Variants in NLRP11 observed in about 807,000 individuals in gnomAD.
NLRP11 encodes the protein NLR family pyrin domain containing 11, also known as NACHT, LRR and PYD domains-containing protein 11.
In NLRP11, 53 loss-of-function variants were observed where a neutral mutation model predicts 79.3. The ratio of observed to expected loss-of-function variants is 0.67; its 90% CI spans 0.54 to 0.84. The LOEUF is 0.84. Ranked by LOEUF, NLRP11 falls within the 40% of genes least tolerant of loss-of-function variation. The pLI is 0.00. For missense variants in NLRP11, 1,264 were observed against 1,255.0 expected (o/e 1.01, Z -0.11); for synonymous variants, 518 against 462.6 (o/e 1.12, Z -1.54).
rs749697784 is a variant in NLRP11 at position 55,809,076 on chromosome 19, C to CA, written c.1533dup (p.Gly512TrpfsTer24). ...CTGTCTACCATCGGTAGCTGGTATC[C>CA]AAAGGATGTCTCAAGAATCTTTCTC... On this transcript the variant is annotated frameshift_variant, in exon 3 of 10. Coordinates refer to ENST00000589093, the Ensembl canonical transcript of NLRP11. LOFTEE classifies it high-confidence loss of function. This position sits in a 1 kb window ranked among gnomAD's most constrained non-coding sequence, Gnocchi z 4.5. 1 of 1,613,830 alleles carries CA rather than the reference C, an allele frequency of 6.2e-7. No homozygotes were observed.
chr19:55,817,089 A>G (rs897822483), intron 2 of NLRP11, among the ~76,000 whole-genome samples: 1 of 152,178 alleles, frequency 6.6e-6, no homozygotes, highest in Non-Finnish European at 1.5e-5. Context: ...AAAATGCTCA[A>G]CATCGCTAAT....
chr19:55,790,985 C>CA lies in NLRP11; in HGVS notation c.2513+1315dup, dbSNP rs747573999. Among the ~76,000 whole-genome samples, 3 of 152,160 alleles carry CA rather than the reference C, an allele frequency of 2.0e-5. No individual in the cohort carries two copies. The South Asian group carries it at 6.2e-4, about 32-fold the overall frequency. ...ACTTAAGACAATTCTTGAAGGATGACAAAAGAACGTGTTTGGAGTCTACAG... is the reference window on the plus strand; with the variant it reads ...ACTTAAGACAATTCTTGAAGGATGACAAAAAGAACGTGTTTGGAGTCTACAG... On this transcript the variant is annotated intron_variant, in intron 7 of 9. Transcript: ENST00000589093.
upstream of NLRP11, among the ~76,000 whole-genome samples, chr19:55,834,772 C>T (rs1600212229): frequency 6.6e-6 from 1 of 152,144 alleles, no homozygotes; most frequent in East Asian, 1.9e-4. Flanking sequence ...TACCGTGAGG[C>T]AAGACCTAGA....
intron 4 of NLRP11, among the ~76,000 whole-genome samples, chr19:55,806,478 C>CT (rs1049700550): frequency 6.6e-6 from 1 of 152,178 alleles, no homozygotes; most frequent in African/African-American, 2.4e-5. Flanking sequence ...AGGAATCATC[C>CT]TTTGTCAACA....
intron 2 of NLRP11, among the ~76,000 whole-genome samples, chr19:55,815,122 A>C (rs184103011): frequency 5.4e-4 from 82 of 152,238 alleles, no homozygotes; most frequent in African/African-American, 1.9e-3. Context: ...GTTACAAAAA[A>C]AAATCCTTGT....
chr19:55,809,673 A>C lies in NLRP11; in HGVS notation c.937T>G (p.Phe313Val). The stretch of plus-strand genomic sequence containing the variant: ...GCCGACGCCCTCTGGCGGTCTTTAA[A>C]GAAAGAGTTAAAATATATCTCCCTC... Residue 313 changes from phenylalanine to valine, a missense_variant, in exon 3 of 10, where the codon TTT becomes GTT. Transcript: ENST00000589093. The surrounding 1 kb of genome is among the most constrained non-coding windows in gnomAD (Gnocchi z 4.5). 6.2e-7 allele frequency: 1 copy of C among 1,613,928 alleles called. No individual in the cohort carries two copies. Among genetic ancestry groups the C allele is most frequent in the Non-Finnish European group, 8.5e-7 (1 of 1,179,908 alleles).
At chr19:55,819,162 C>G (rs1439868196) in intron 1 of NLRP11, among the ~76,000 whole-genome samples, 2 of 148,368 alleles carry the variant, frequency 1.3e-5, no homozygotes, top group African/African-American at 5.1e-5. Context: ...CACACACACA[C>G]ACACACACAC....
rs1283384743 is a variant in NLRP11, at chr19:55,807,880, T to TGCTCCAGG, written c.1968_1975dup (p.His659ProfsTer36). On this transcript the variant is annotated frameshift_variant, in exon 4 of 10. Transcript: ENST00000589093. LOFTEE classifies it high-confidence loss of function. ...GAGTGTGCGAAGTTTACAGCTAGAATGCTCCAGGGCTTTAGACAGAATCCT... is the reference window on the plus strand; with the variant it reads ...GAGTGTGCGAAGTTTACAGCTAGAATGCTCCAGGGCTCCAGGGCTTTAGACAGAATCCT... 1 of 1,612,650 alleles carries TGCTCCAGG rather than the reference T, an allele frequency of 6.2e-7. No individual in the cohort carries two copies. The highest frequency in any genetic ancestry group is 1.7e-5 in the Admixed American group (1 of 59,906).
intron 9 of NLRP11, among the ~76,000 whole-genome samples, chr19:55,788,363 C>CTTTTTT (rs74179639): frequency 2.8e-5 from 4 of 140,722 alleles, no homozygotes; most frequent in African/African-American, 2.6e-5. Flanking sequence ...AGAGGAAAGA[C>CTTTTTT]TTTTTTTTTT....
At chr19:55,831,158 C>T (rs991677680) in intron 1 of NLRP11, among the ~76,000 whole-genome samples, 19 of 143,610 alleles carry the variant, frequency 1.3e-4, no homozygotes, top group Non-Finnish European at 2.3e-4. Flanking sequence ...CCCCTCCTGG[C>T]CAAGATACTT....
chr19:55,808,095 T>G (rs1431840492), intron 3 of NLRP11, 81 bp from the exon 4 acceptor site: 1 of 943,394 alleles, frequency 1.1e-6, no homozygotes, highest in Admixed American at 2.3e-5. Context: ...TAAAGTATGT[T>G]TTGAGAGTGC....
chr19:55,829,721 A>C (rs1982568377), intron 1 of NLRP11, among the ~76,000 whole-genome samples: 1 of 152,020 alleles, frequency 6.6e-6, no homozygotes, highest in Non-Finnish European at 1.5e-5. Flanking sequence ...AGCTCATAAA[A>C]CAGCGTTTAC....
intron 1 of NLRP11, among the ~76,000 whole-genome samples, chr19:55,820,402 AT>A: frequency 6.6e-6 from 1 of 152,296 alleles, no homozygotes; most frequent in South Asian, 2.1e-4. Flanking sequence ...GGGAGGACAG[AT>A]GAAAGGCCAC....
At chr19:55,789,191 T>C (rs905969092) in intron 8 of NLRP11, 38 bp downstream of exon 8, 3 of 1,570,914 alleles carry the variant, frequency 1.9e-6, no homozygotes, top group Non-Finnish European at 2.6e-6. Context: ...CAGCTGTTGC[T>C]AGCTAAAGGC....
At chr19:55,830,960 C>T (rs1428497903) in intron 1 of NLRP11, among the ~76,000 whole-genome samples, 3 of 152,048 alleles carry the variant, frequency 2.0e-5, no homozygotes, top group African/African-American at 4.8e-5. Flanking sequence ...CCCAGTGTCC[C>T]GAAATACAGA....
intron 5 of NLRP11, 120 bp from the exon 6 acceptor site, chr19:55,796,370 A>C: frequency 1.3e-6 from 1 of 793,436 alleles, no homozygotes; most frequent in Non-Finnish European, 2.0e-6. Flanking sequence ...TTGGAAATAA[A>C]TAGATCCCTT....
At chr19:55,820,566 C>T (rs899470700) in intron 1 of NLRP11, among the ~76,000 whole-genome samples, 10 of 152,102 alleles carry the variant, frequency 6.6e-5, no homozygotes, top group Admixed American at 2.6e-4. Context: ...AGCTGGACTT[C>T]GGAGAGTAAT....
chr19:55,804,219 G>A (rs1201101160), intron 4 of NLRP11, among the ~76,000 whole-genome samples: 2 of 152,172 alleles, frequency 1.3e-5, no homozygotes, highest in Non-Finnish European at 2.9e-5. Flanking sequence ...TCCTCAAAGA[G>A]CTAAAAGCAG....
chr19:55,797,988 A>ATAT (rs1322312500), intron 5 of NLRP11, among the ~76,000 whole-genome samples: 1 of 141,806 alleles, frequency 7.1e-6, no homozygotes, highest in African/African-American at 2.7e-5. Flanking sequence ...GGTGTATTCT[A>ATAT]TATTATTATT....
Sources: gnomAD v4.1 joint callset for allele counts (sites outside exome capture counted in the v4.1 genomes callset) on GRCh38, gnomAD v4.1.1 for gene constraint, Gnocchi (gnomAD v3.1) non-coding constraint, MANE v1.5 for transcripts, NCBI Gene and HGNC (gene_info 2026-07-23, HGNC 2026-07-21) for gene names.